Variants in ZBTB16 observed in about 807,000 individuals in gnomAD.
ZBTB16 encodes zinc finger and BTB domain containing 16, also known as zinc finger and BTB domain-containing protein 16.
ZBTB16 carries 8 observed loss-of-function variants against 56.8 expected under a neutral mutation model. The ratio of observed to expected loss-of-function variants is 0.14; its 90% CI spans 0.08 to 0.25. The LOEUF is 0.25. Ranked by LOEUF, ZBTB16 falls within the 10% of genes least tolerant of loss-of-function variation. The pLI is 1.00. For synonymous variants in ZBTB16, 363 were observed against 368.5 expected (o/e 0.98, Z 0.17); for missense variants, 625 against 903.0 (o/e 0.69, Z 3.95).
chr11:114,222,561 C>A (rs1216775277), intron 4 of ZBTB16, among the ~76,000 whole-genome samples: 1 of 152,142 alleles, frequency 6.6e-6, no homozygotes, highest in East Asian at 1.9e-4. Context: ...CTTGCGAGGA[C>A]ACCTGGCATT....
At position 114,254,108 on chromosome 11, in the gene ZBTB16, C is replaced by T. The variant is rs1944961010; in HGVS notation, c.*3553C>T. 6.6e-6 allele frequency among the ~76,000 whole-genome samples: 1 copy of T among 151,666 alleles called. No individual in the cohort carries two copies. The highest frequency in any genetic ancestry group is 1.5e-5 in the Non-Finnish European group (1 of 67,970). ...CATTTACACCTCATGTGCTCTTTCCCTATTCACTCCTTCACTCATTCAAAG... is the reference window on the plus strand; with the variant it reads ...CATTTACACCTCATGTGCTCTTTCCTTATTCACTCCTTCACTCATTCAAAG... On this transcript the variant is annotated 3_prime_UTR_variant, in exon 7 of 7. Coordinates refer to ENST00000335953, the MANE Select transcript of ZBTB16 (RefSeq NM_006006.6).
intron 4 of ZBTB16, among the ~76,000 whole-genome samples, chr11:114,219,883 A>G (rs547405713): frequency 8.4e-4 from 128 of 152,258 alleles, no homozygotes; most frequent in South Asian, 5.6e-3. Context: ...GAACACTGTC[A>G]GGGTGAGCTC....
At chr11:114,117,519 A>G (rs1334788505) in intron 2 of ZBTB16, among the ~76,000 whole-genome samples, 2 of 150,352 alleles carry the variant, frequency 1.3e-5, no homozygotes, top group African/African-American at 4.9e-5. Flanking sequence ...GGGGAAATGA[A>G]CAGGTCATGT....
rs1003308125 is a variant in ZBTB16, at chr11:114,254,826, G to C, written c.*4271G>C. ...ACTCACCCTACGCGGTGGGACAGAT[G>C]GGGAGAGGAAAAAGGCAGAGATGGC... On this transcript the variant is annotated 3_prime_UTR_variant, in exon 7 of 7. Coordinates refer to ENST00000335953, the MANE Select transcript of ZBTB16 (RefSeq NM_006006.6). 2.6e-5 allele frequency among the ~76,000 whole-genome samples: 4 copies of C among 152,172 alleles called. No individual in the cohort carries two copies.
chr11:114,222,173 G>A (rs886402865), intron 4 of ZBTB16, among the ~76,000 whole-genome samples: 3 of 152,130 alleles, frequency 2.0e-5, no homozygotes, highest in Non-Finnish European at 1.5e-5. Context: ...TTCAAATGGG[G>A]ACATTTAGAA....
At chr11:114,215,467 T>C (rs1297721330) in intron 4 of ZBTB16, among the ~76,000 whole-genome samples, 3 of 152,220 alleles carry the variant, frequency 2.0e-5, no homozygotes, top group African/African-American at 4.8e-5. Context: ...GGGAAAGATA[T>C]GGCAGCTCAT....
At chr11:114,209,394 G>A in intron 4 of ZBTB16, 1 of 985,356 alleles carries the variant, frequency 1.0e-6, no homozygotes, top group Non-Finnish European at 1.2e-6. Context: ...GGGATTTGTG[G>A]AGGGAGGAAG....
In ZBTB16 at chr11:114,120,038, C is replaced by A. The variant is rs1941298125; in HGVS notation, c.1269-36299C>A. On this transcript the variant is annotated intron_variant, in intron 2 of 6. Coordinates refer to ENST00000335953, the MANE Select transcript of ZBTB16 (RefSeq NM_006006.6). ...TCTTCTCTAATGATTACAAGAAGGACAGAGTCCTGGTGGACACAGTTGGAG... is the reference window on the plus strand; with the variant it reads ...TCTTCTCTAATGATTACAAGAAGGAAAGAGTCCTGGTGGACACAGTTGGAG... Among the ~76,000 whole-genome samples the A allele has an allele frequency of 1.3e-5, 2 of 152,190 alleles. 1 individual carries two copies. Among genetic ancestry groups the A allele is most frequent in the South Asian group, 4.1e-4 (2 of 4,834 alleles).
At chr11:114,113,833 C>T (rs981510225) in intron 2 of ZBTB16, among the ~76,000 whole-genome samples, 7 of 152,320 alleles carry the variant, frequency 4.6e-5, no homozygotes, top group Non-Finnish European at 7.4e-5. Context: ...GTCATCTAAT[C>T]ATCCAGTTAG....
At chr11:114,119,372 C>CTG (rs960608847) in intron 2 of ZBTB16, among the ~76,000 whole-genome samples, 30 of 143,286 alleles carry the variant, frequency 2.1e-4, no homozygotes, top group Non-Finnish European at 3.6e-4. Context: ...GTGTTTGTGT[C>CTG]TGTGTGTGTG....
At chr11:114,208,162 C>G (rs116463240) in intron 4 of ZBTB16, among the ~76,000 whole-genome samples, 1 of 152,204 alleles carries the variant, frequency 6.6e-6, no homozygotes, top group Non-Finnish European at 1.5e-5. Context: ...ACCACTTGCC[C>G]TTAGCTATCT....
intron 2 of ZBTB16, among the ~76,000 whole-genome samples, chr11:114,094,445 G>A (rs868017011): frequency 2.0e-5 from 3 of 152,380 alleles, no homozygotes; most frequent in South Asian, 2.1e-4. Context: ...ACTTTGGAAG[G>A]TTTCTCTAAT....
At chr11:114,082,619 A>T (rs1256893756) in intron 2 of ZBTB16, among the ~76,000 whole-genome samples, 3 of 152,068 alleles carry the variant, frequency 2.0e-5, no homozygotes, top group African/African-American at 7.2e-5. Context: ...GCCTGTCTGA[A>T]AAGGAGTTTA....
intron 2 of ZBTB16, among the ~76,000 whole-genome samples, chr11:114,094,314 CAAAAAAA>C (rs1565621786): frequency 6.6e-6 from 1 of 151,122 alleles, no homozygotes. Flanking sequence ...GACTCCGTCT[CAAAAAAA>C]TAAAAAATAA....
At chr11:114,176,321 T>C (rs1350153222) in intron 3 of ZBTB16, among the ~76,000 whole-genome samples, 2 of 152,212 alleles carry the variant, frequency 1.3e-5, no homozygotes, top group African/African-American at 2.4e-5. Flanking sequence ...CCTGGCTTTA[T>C]TATCCAGCCT....
intron 4 of ZBTB16, among the ~76,000 whole-genome samples, chr11:114,203,200 A>T (rs551755395): frequency 4.6e-5 from 7 of 152,376 alleles, no homozygotes; most frequent in African/African-American, 1.7e-4. Flanking sequence ...AACAAGCAAG[A>T]CATGAAAGGC....
chr11:114,113,937 A>G (rs1036205556), intron 2 of ZBTB16, among the ~76,000 whole-genome samples: 1 of 152,238 alleles, frequency 6.6e-6, no homozygotes, highest in African/African-American at 2.4e-5. Context: ...TAGCTAAATT[A>G]GCCAAGTTTA....
At position 114,063,354 on chromosome 11, in the gene ZBTB16, G is replaced by A. The variant is rs776762200; in HGVS notation, c.54G>A (p.Thr18=). The change falls in exon 2 of 7, where the codon ACG becomes ACA. Residue 18 remains threonine, a synonymous_variant. Coordinates refer to ENST00000335953, the MANE Select transcript of ZBTB16 (RefSeq NM_006006.6). The surrounding 1 kb of genome is among the most constrained non-coding windows in gnomAD (Gnocchi z 6.5). ...AGCTGCAGAACCCTAGCCACCCCACGGGGCTACTGTGCAAGGCCAACCAGA... is the reference window on the plus strand; with the variant it reads ...AGCTGCAGAACCCTAGCCACCCCACAGGGCTACTGTGCAAGGCCAACCAGA... ...MIQLQNPSHP[T]GLLCKANQMR... 1.9e-6 allele frequency: 3 copies of A among 1,613,958 alleles called. No individual in the cohort carries two copies. The highest frequency in any genetic ancestry group is 1.3e-5 in the African/African-American group (1 of 74,898).
At chr11:114,232,030 T>G (rs1944449314) in intron 4 of ZBTB16, among the ~76,000 whole-genome samples, 1 of 152,158 alleles carries the variant, frequency 6.6e-6, no homozygotes, top group Admixed American at 6.5e-5. Flanking sequence ...GTTGGGAGTC[T>G]GCAGTAAAAA....
Sources: gnomAD v4.1 joint callset for allele counts (sites outside exome capture counted in the v4.1 genomes callset) on GRCh38, gnomAD v4.1.1 for gene constraint, Gnocchi (gnomAD v3.1) non-coding constraint, MANE v1.5 for transcripts, NCBI Gene and HGNC (gene_info 2026-07-23, HGNC 2026-07-21) for gene names.